PDCL3: variants seen among roughly 807,000 people sequenced by gnomAD.
PDCL3 encodes phosducin like 3, also known as phosducin-like protein 3.
Under a neutral mutation model 26.5 loss-of-function variants are expected in PDCL3, and 22 were observed. That is an observed-to-expected ratio of 0.83 (90% CI 0.59 to 1.19). The LOEUF (loss-of-function observed/expected upper bound fraction) is 1.19, where lower values mean the gene tolerates loss of function less well. PDCL3 is among the 50% of genes most tolerant of loss of function. The pLI is 0.00. For missense variants in PDCL3, 246 were observed against 294.1 expected, an observed-to-expected ratio of 0.84 and a Z score of 1.20; for synonymous variants, 81 against 104.9, an observed-to-expected ratio of 0.77 and a Z score of 1.39.
intron 2 of PDCL3, 110 bp from the exon 3 acceptor site, chr2:100,568,821 G>A: frequency 1.2e-6 from 1 of 830,826 alleles, no homozygotes; most frequent in Non-Finnish European, 2.0e-6. Context: ...GTAGGCTAAG[G>A]ATCTGGTGTT....
chr2:100,572,775 T>A (rs943263768), intron 5 of PDCL3, among the ~76,000 whole-genome samples: 4 of 152,072 alleles, frequency 2.6e-5, no homozygotes, highest in Non-Finnish European at 4.4e-5. Flanking sequence ...CGCCTCAGCC[T>A]CCCAAAGTGC....
In PDCL3 at chr2:100,569,356, CAA is replaced by C. The variant is rs974164526; in HGVS notation, c.225-217_225-216del. ...TGTGTGACAGAGCCAAACTCTGTCT[CAA>C]AAAATAAAATGAAATGTGTGTCCTT... On this transcript the variant is annotated intron_variant, in intron 3 of 5. Transcript: ENST00000264254. Among the ~76,000 whole-genome samples the C allele has an allele frequency of 5.9e-4, 89 of 151,984 alleles. 1 individual carries two copies. The highest frequency in any genetic ancestry group is 2.1e-3 in the African/African-American group (87 of 41,480).
At chr2:100,564,105 A>G (rs554663393) in intron 1 of PDCL3, among the ~76,000 whole-genome samples, 16 of 151,146 alleles carry the variant, frequency 1.1e-4, no homozygotes, top group African/African-American at 3.9e-4. Context: ...GGGTCTCCCT[A>G]TGTTGCCCAG....
At chr2:100,563,849 G>A (rs1675004787) in intron 1 of PDCL3, among the ~76,000 whole-genome samples, 1 of 151,718 alleles carries the variant, frequency 6.6e-6, no homozygotes, top group Non-Finnish European at 1.5e-5. Flanking sequence ...AGAGGGTGCG[G>A]GTTTTGCTGG....
At position 100,567,945 on chromosome 2, in the gene PDCL3, C is replaced by T. The variant is rs376614272; in HGVS notation, c.134-986C>T. 8.7e-3 allele frequency among the ~76,000 whole-genome samples: 1,330 copies of T among 152,144 alleles called. 18 individuals carry two copies. The highest frequency in any genetic ancestry group is 0.029 in the African/African-American group (1,210 of 41,498). ...TCAAGCGATTCTCCTGCGTCAGCCT[C>T]CCGAGTAGCTGGGATTACAGACATG... On this transcript the variant is annotated intron_variant, in intron 2 of 5. Transcript: ENST00000264254.
chr2:100,575,827 G>A (rs999415936), intron 5 of PDCL3, among the ~76,000 whole-genome samples: 1 of 152,142 alleles, frequency 6.6e-6, no homozygotes, highest in Non-Finnish European at 1.5e-5. Context: ...AAGGTCTGTG[G>A]AAATTATTTC....
At chr2:100,566,662 G>C in intron 2 of PDCL3, 33 bp downstream of exon 2, 1 of 1,611,348 alleles carries the variant, frequency 6.2e-7, no homozygotes, top group Non-Finnish European at 8.5e-7. Context: ...GCACCTGTCT[G>C]GGTTAGGAGA....
At position 100,566,540 on chromosome 2, in the gene PDCL3, G is replaced by A. The variant is rs750858703; in HGVS notation, c.44G>A (p.Arg15His). Reference sequence around the variant, plus strand: ...GACACTGAATGGAATGACATCTTACGCAAAAAGGGTATCTTACCCCCCAAG... The same window carrying A: ...GACACTGAATGGAATGACATCTTACACAAAAAGGGTATCTTACCCCCCAAG... ...NADTEWNDIL[R>H]KKGILPPKES... is the part of the protein sequence containing the mutation. Residue 15 changes from arginine (R) to histidine (H), a missense_variant, in exon 2 of 6, where the codon CGC becomes CAC. Physicochemically the swap from Arg to His is conservative, Grantham distance 29. Transcript: ENST00000264254. 10 of 1,613,292 alleles carry A rather than the reference G, an allele frequency of 6.2e-6. No homozygotes were observed. The East Asian group carries it at 6.7e-5, about 11-fold the overall frequency.
intron 1 of PDCL3, among the ~76,000 whole-genome samples, chr2:100,565,275 ATTTT>A: frequency 7.5e-6 from 1 of 133,206 alleles, no homozygotes. Context: ...AGCCTGGAAG[ATTTT>A]TTTTTTTTTT....
chr2:100,570,513 C>G (rs948799514), intron 4 of PDCL3, among the ~76,000 whole-genome samples: 3 of 143,330 alleles, frequency 2.1e-5, no homozygotes, highest in African/African-American at 7.8e-5. Context: ...AAGTCTCACT[C>G]CATTGACCAG....
At chr2:100,572,300 C>T (rs1675193428) in intron 5 of PDCL3, among the ~76,000 whole-genome samples, 1 of 152,114 alleles carries the variant, frequency 6.6e-6, no homozygotes, top group Non-Finnish European at 1.5e-5. Flanking sequence ...CAACTTCTGC[C>T]TCCCAGGTTC....
chr2:100,572,699 T>C (rs1675202196), intron 5 of PDCL3, among the ~76,000 whole-genome samples: 1 of 148,988 alleles, frequency 6.7e-6, no homozygotes, highest in African/African-American at 2.5e-5. Context: ...TTTGTATTTT[T>C]AGTAGAGACA....
chr2:100,564,062 C>T (rs1675012429), intron 1 of PDCL3, among the ~76,000 whole-genome samples: 1 of 150,534 alleles, frequency 6.6e-6, no homozygotes. Context: ...CAGGCGTGCA[C>T]CCACCACTCT....
chr2:100,566,007 C>T (rs1675052868), intron 1 of PDCL3, among the ~76,000 whole-genome samples: 1 of 152,106 alleles, frequency 6.6e-6, no homozygotes, highest in African/African-American at 2.4e-5. Flanking sequence ...GGGTTTATGC[C>T]ATTCTCCTGC....
intron 5 of PDCL3, among the ~76,000 whole-genome samples, chr2:100,573,412 G>T (rs902538778): frequency 6.6e-6 from 1 of 151,996 alleles, no homozygotes; most frequent in Non-Finnish European, 1.5e-5. Flanking sequence ...GGTGGCTCAT[G>T]CCTGTAATCC....
intron 5 of PDCL3, among the ~76,000 whole-genome samples, chr2:100,574,192 C>CG (rs1382502565): frequency 1.3e-5 from 2 of 152,026 alleles, no homozygotes; most frequent in East Asian, 3.9e-4. Context: ...TTAGTAGAGA[C>CG]GGTTTCACCG....
chr2:100,563,899 C>G (rs1675006154), intron 1 of PDCL3, among the ~76,000 whole-genome samples: 1 of 147,062 alleles, frequency 6.8e-6, no homozygotes, highest in Non-Finnish European at 1.5e-5. Context: ...GGCGTGTCTG[C>G]CAGGAGCCAG....
In PDCL3 at chr2:100,569,030, C is replaced by T. The variant is rs760063812; in HGVS notation, c.224+9C>T. 6.3e-6 allele frequency: 10 copies of T among 1,594,060 alleles called. No homozygotes were observed. On this transcript the variant is annotated intron_variant, in intron 3 of 5. Coordinates refer to ENST00000264254, the MANE Select transcript of PDCL3 (RefSeq NM_024065.5). ...GCTATTGAAATGTACAGGTAAGCGC[C>T]ACCCAGAGGGGCTGTTTGTTTTTTT...
chr2:100,571,519 AG>A, intron 4 of PDCL3, 70 bp from the exon 5 acceptor site: 3 of 1,353,260 alleles, frequency 2.2e-6, no homozygotes, highest in Non-Finnish European at 3.1e-6. Context: ...TTAGGGTAGA[AG>A]GGTCATTGAG....
Sources: gnomAD v4.1 joint callset for allele counts (sites outside exome capture counted in the v4.1 genomes callset) on GRCh38, gnomAD v4.1.1 for gene constraint, MANE v1.5 for transcripts, NCBI Gene and HGNC (gene_info 2026-07-23, HGNC 2026-07-21) for gene names.